SPAG1: variants seen among roughly 807,000 people sequenced by gnomAD.
The protein encoded by SPAG1 is sperm associated antigen 1.
Under a neutral mutation model 100.5 loss-of-function variants are expected in SPAG1, and 69 were observed. The observed-to-expected ratio is 0.69, with a 90% CI of 0.57 to 0.84. The LOEUF is 0.84. Among genes scored for constraint, SPAG1 ranks in the 40% least tolerant of loss-of-function variants. The pLI is 0.00. For synonymous variants in SPAG1, 336 were observed against 411.6 expected (o/e 0.82, Z 2.22); for missense variants, 955 against 1,133.1 (o/e 0.84, Z 2.26).
chr8:100,207,222 A>G (rs1563796067), intron 10 of SPAG1, among the ~76,000 whole-genome samples: 2 of 152,200 alleles, frequency 1.3e-5, no homozygotes, highest in Non-Finnish European at 2.9e-5. Context: ...GCAGCCTTCC[A>G]TCATCAAATG....
At position 100,196,660 on chromosome 8, in the gene SPAG1, T is replaced by C. The variant is rs546230452; in HGVS notation, c.1096+2392T>C. On this transcript the variant is annotated intron_variant, in intron 10 of 18. Coordinates refer to ENST00000388798, the MANE Select transcript of SPAG1 (RefSeq NM_003114.5). ...CTTTTTTCATTCTTTTAACAGTCTTTTACAGAGCAAAGGTTTTTCATTTTG... is the reference window on the plus strand; with the variant it reads ...CTTTTTTCATTCTTTTAACAGTCTTCTACAGAGCAAAGGTTTTTCATTTTG... 2.2e-4 allele frequency among the ~76,000 whole-genome samples: 34 copies of C among 152,320 alleles called. 2 individuals carry two copies. The South Asian group carries it at 7.0e-3, about 32-fold the overall frequency.
chr8:100,240,870 T>G lies in SPAG1; in HGVS notation c.2650-21T>G, dbSNP rs554278911. On this transcript the variant is annotated intron_variant, in intron 18 of 18. Coordinates refer to ENST00000388798, the MANE Select transcript of SPAG1 (RefSeq NM_003114.5). ...CTAACATAGTTGGTTTTTTGTTTTT[T>G]TTTTTTTTTGCTTCTTTTAGATGAT... is the stretch of plus-strand genomic sequence containing the variant. The G allele has an allele frequency of 5.3e-5, 83 of 1,568,204 alleles. No homozygotes were observed. The East Asian group carries it at 6.5e-4, about 12-fold the overall frequency.
At chr8:100,221,718 G>A (rs1256189381) in intron 13 of SPAG1, among the ~76,000 whole-genome samples, 2 of 152,246 alleles carry the variant, frequency 1.3e-5, no homozygotes, top group African/African-American at 2.4e-5. Flanking sequence ...ACCTGTGTCT[G>A]TATGGGCTGA....
At chr8:100,226,640 C>T (rs1250887424) in intron 14 of SPAG1, among the ~76,000 whole-genome samples, 1 of 151,842 alleles carries the variant, frequency 6.6e-6, no homozygotes, top group African/African-American at 2.4e-5. Context: ...AAGGTTGAGG[C>T]TGCAGTGAGC....
intron 9 of SPAG1, among the ~76,000 whole-genome samples, chr8:100,191,852 T>C (rs1816830741): frequency 6.6e-6 from 1 of 152,122 alleles, no homozygotes; most frequent in South Asian, 2.1e-4. Context: ...TGTTTCTCTT[T>C]GTAATGAGCA....
In SPAG1 at chr8:100,239,130, G is replaced by C; in HGVS notation, c.2116-110G>C. On this transcript the variant is annotated intron_variant, in intron 16 of 18. Coordinates refer to ENST00000388798, the MANE Select transcript of SPAG1 (RefSeq NM_003114.5). This position sits in a 1 kb window ranked among gnomAD's most constrained non-coding sequence, Gnocchi z 5.0. ...CACTTTGTAAGAGTGGTATTAATGT[G>C]GACCCTGCACACATACTGCACAGCT... The C allele has an allele frequency of 1.7e-6, 1 of 577,788 alleles. No individual in the cohort carries two copies. Among genetic ancestry groups the C allele is most frequent in the Middle Eastern group, 4.8e-4 (1 of 2,082 alleles). The allele number at this position is 577,788 out of a possible 1,614,324, so 35.8% of individuals were successfully genotyped here. A position where few individuals can be genotyped will look rare whatever the true frequency, so the allele number is the denominator to read the frequency against.
At chr8:100,232,518 A>C (rs892271318) in intron 15 of SPAG1, among the ~76,000 whole-genome samples, 2 of 152,138 alleles carry the variant, frequency 1.3e-5, no homozygotes, top group South Asian at 4.2e-4. Context: ...TCCCTCTTCC[A>C]GTCAGCAAGC....
intron 3 of SPAG1, among the ~76,000 whole-genome samples, chr8:100,169,955 T>C (rs1815743800): frequency 6.6e-6 from 1 of 150,728 alleles, no homozygotes; most frequent in Non-Finnish European, 1.5e-5. Flanking sequence ...TTACAGTAAC[T>C]CTTGAAATCT....
intron 10 of SPAG1, among the ~76,000 whole-genome samples, chr8:100,195,178 GAA>G (rs965825395): frequency 7.1e-6 from 1 of 140,648 alleles, no homozygotes; most frequent in African/African-American, 2.7e-5. Context: ...AAAAAAAAAA[GAA>G]AAAGAAAAAA....
intron 3 of SPAG1, among the ~76,000 whole-genome samples, chr8:100,166,303 G>A (rs1815552730): frequency 1.3e-5 from 2 of 151,436 alleles, no homozygotes; most frequent in South Asian, 4.2e-4. Context: ...TTGTTGCCCA[G>A]GCTGGAGTGC....
chr8:100,229,595 G>A (rs1818675528), intron 14 of SPAG1, among the ~76,000 whole-genome samples: 1 of 152,200 alleles, frequency 6.6e-6, no homozygotes, highest in Admixed American at 6.5e-5. Context: ...GCTTAGACCT[G>A]GGGTTTTGAT....
chr8:100,206,017 C>CAAAAAAAAAAAAAAAAAAAA (rs574907013), intron 10 of SPAG1, among the ~76,000 whole-genome samples: 2 of 77,348 alleles, frequency 2.6e-5, no homozygotes, highest in African/African-American at 5.0e-5. Flanking sequence ...GACTCTGTCT[C>CAAAAAAAAAAAAAAAAAAAA]AAAAAAAAAA....
At chr8:100,202,374 C>A (rs1586469820) in intron 10 of SPAG1, among the ~76,000 whole-genome samples, 1 of 151,546 alleles carries the variant, frequency 6.6e-6, no homozygotes, top group Admixed American at 6.6e-5. Flanking sequence ...AACAAAAAAA[C>A]CTGTTCTTTT....
chr8:100,175,995 C>G (rs903847205), intron 3 of SPAG1, among the ~76,000 whole-genome samples: 9 of 152,272 alleles, frequency 5.9e-5, no homozygotes, highest in Middle Eastern at 3.4e-3. Flanking sequence ...TCCCTTCCTG[C>G]CTTAAATCCT....
chr8:100,207,150 G>A (rs1771786973), intron 10 of SPAG1, among the ~76,000 whole-genome samples: 1 of 152,204 alleles, frequency 6.6e-6, no homozygotes, highest in African/African-American at 2.4e-5. Context: ...CATGCAACCT[G>A]AACTGCCTAT....
chr8:100,177,722 C>A, intron 3 of SPAG1, 94 bp from the exon 4 acceptor site: 2 of 690,240 alleles, frequency 2.9e-6, no homozygotes, highest in South Asian at 4.6e-5. Flanking sequence ...CAATGCAGTT[C>A]AAACTTATAT....
Position 100,162,869 on chromosome 8 carries a change from T to A in SPAG1, c.140+449T>A, listed in dbSNP as rs13250735. Among the ~76,000 whole-genome samples, 925 of 152,154 alleles carry A rather than the reference T, an allele frequency of 6.1e-3. 15 individuals carry two copies. Among genetic ancestry groups the A allele is most frequent in the African/African-American group, 0.022 (898 of 41,520 alleles). On this transcript the variant is annotated intron_variant, in intron 2 of 18. Transcript: ENST00000388798. The stretch of plus-strand genomic sequence containing the variant: ...GTCCCAGCTACTCAGAAGGCTGAGG[T>A]GGGAGGATTGCTTGGGCCTTGGAGG...
rs946246991 is a variant in SPAG1 at position 100,162,420 on chromosome 8, G to T, written c.140G>T (p.Arg47Ile). The T allele has an allele frequency of 1.3e-6, 2 of 1,568,892 alleles. No individual in the cohort carries two copies. The highest frequency in any genetic ancestry group is 2.4e-5 in the South Asian group (2 of 83,860). ...KHLEKILCVL[R>I]SGEEGYYPEL... ...CTGGAAAAAATTCTTTGCGTGCTCA[G>T]GTAAGCATTTTAAAATCATTACATG... is the stretch of plus-strand genomic sequence containing the variant. The change falls in exon 2 of 19, where the codon AGA becomes ATA. Residue 47 changes from arginine to isoleucine, a missense_variant and splice_region_variant. Coordinates refer to ENST00000388798, the MANE Select transcript of SPAG1 (RefSeq NM_003114.5).
chr8:100,199,905 C>A (rs533680622), intron 10 of SPAG1, among the ~76,000 whole-genome samples: 1 of 151,360 alleles, frequency 6.6e-6, no homozygotes, highest in Non-Finnish European at 1.5e-5. Context: ...TCCTTTGATG[C>A]AGAAGTTTTT....
Sources: allele counts gnomAD v4.1 joint callset (sites outside exome capture counted in the v4.1 genomes callset), GRCh38; gene constraint gnomAD v4.1.1; non-coding constraint Gnocchi (gnomAD v3.1); transcripts MANE v1.5; gene names NCBI Gene and HGNC (gene_info 2026-07-23, HGNC 2026-07-21).